Variants in NCOA2 observed in about 807,000 individuals in gnomAD.
NCOA2 encodes the protein nuclear receptor coactivator 2.
In NCOA2, 21 loss-of-function variants were observed where a neutral mutation model predicts 145.1. The observed-to-expected ratio is 0.14, with a 90% confidence interval of 0.10 to 0.21. The LOEUF (loss-of-function observed/expected upper bound fraction) is 0.21. Among genes scored for constraint, NCOA2 ranks in the 10% least tolerant of loss-of-function variants. NCOA2 has a pLI of 1.00. For synonymous variants in NCOA2, 619 were observed against 637.5 expected (o/e 0.97, Z 0.44); for missense variants, 1,472 against 1,837.6 (o/e 0.80, Z 3.64).
chr8:70,122,969 C>G (rs1438330027), intron 21 of NCOA2, among the ~76,000 whole-genome samples: 1 of 152,214 alleles, frequency 6.6e-6, no homozygotes. Flanking sequence ...GTGTGAACTA[C>G]TGAGGATCAG....
At chr8:70,405,261 GGT>G, upstream of NCOA2, among the ~76,000 whole-genome samples, 1 of 151,932 alleles carries the variant, frequency 6.6e-6, no homozygotes, top group East Asian at 1.9e-4. Flanking sequence ...AAATGTGTGG[GGT>G]GTGTGTGTCT....
At chr8:70,235,492 C>T (rs1004957500) in intron 2 of NCOA2, among the ~76,000 whole-genome samples, 14 of 152,000 alleles carry the variant, frequency 9.2e-5, no homozygotes, top group Non-Finnish European at 7.4e-5. Context: ...TCCAAGATAA[C>T]CAGGTACCAC....
chr8:70,124,227 G>C (rs1356246406), intron 20 of NCOA2, 145 bp from the exon 21 acceptor site: 1 of 736,452 alleles, frequency 1.4e-6, no homozygotes, highest in Non-Finnish European at 2.2e-6. Context: ...CCGGCAGGTG[G>C]TGGGCTTGCT....
chr8:70,318,677 A>C (rs1805807257), intron 1 of NCOA2, among the ~76,000 whole-genome samples: 1 of 152,048 alleles, frequency 6.6e-6, no homozygotes, highest in Non-Finnish European at 1.5e-5. Context: ...CTGTGGGAGG[A>C]TCATTTGAGC....
chr8:70,415,852 A>G, the NCOA2 span, among the ~76,000 whole-genome samples: 2 of 152,260 alleles, frequency 1.3e-5, no homozygotes, highest in Non-Finnish European at 2.9e-5. Flanking sequence ...ACCAAATGTA[A>G]CAAAGGCTTT....
At chr8:70,364,946 G>A (rs1272668074) in intron 1 of NCOA2, among the ~76,000 whole-genome samples, 1 of 151,410 alleles carries the variant, frequency 6.6e-6, no homozygotes, top group East Asian at 1.9e-4. Context: ...AGTCTAGGAG[G>A]GTCTTATTAC....
the NCOA2 span, among the ~76,000 whole-genome samples, chr8:70,431,193 T>C: frequency 3.3e-5 from 5 of 151,892 alleles, no homozygotes; most frequent in South Asian, 6.2e-4. Flanking sequence ...TGTGTATATA[T>C]TTTAAATTAA....
At chr8:70,321,899 C>G (rs1363570656) in intron 1 of NCOA2, among the ~76,000 whole-genome samples, 1 of 138,320 alleles carries the variant, frequency 7.2e-6, no homozygotes, top group African/African-American at 2.7e-5. Flanking sequence ...GAGGCCCAGG[C>G]GGGGGGATCA....
intron 1 of NCOA2, among the ~76,000 whole-genome samples, chr8:70,385,941 A>C (rs555333972): frequency 6.6e-6 from 1 of 152,232 alleles, no homozygotes; most frequent in Non-Finnish European, 1.5e-5. Context: ...CAAAACACAC[A>C]TTAGTTACTT....
intron 2 of NCOA2, among the ~76,000 whole-genome samples, chr8:70,262,235 C>T (rs982467098): frequency 6.6e-6 from 1 of 152,042 alleles, no homozygotes; most frequent in Non-Finnish European, 1.5e-5. Context: ...TTATAGTATC[C>T]CCCATTTTAT....
chr8:70,240,468 T>C (rs2134433491), intron 2 of NCOA2, among the ~76,000 whole-genome samples: 1 of 152,168 alleles, frequency 6.6e-6, no homozygotes, highest in East Asian at 1.9e-4. Context: ...TCAGATCTCA[T>C]ACTGTAAAGC....
chr8:70,182,282 G>T (rs551802108), intron 4 of NCOA2, among the ~76,000 whole-genome samples: 3 of 152,182 alleles, frequency 2.0e-5, no homozygotes, highest in African/African-American at 7.2e-5. Flanking sequence ...TTAACATCAT[G>T]ATTTCCCTTC....
At chr8:70,134,879 G>A (rs1297407615) in intron 15 of NCOA2, among the ~76,000 whole-genome samples, 2 of 152,002 alleles carry the variant, frequency 1.3e-5, no homozygotes, top group Non-Finnish European at 2.9e-5. Flanking sequence ...TGGGACTCTC[G>A]GGACACTTTC....
intron 3 of NCOA2, among the ~76,000 whole-genome samples, chr8:70,216,339 AAAATT>A (rs1158572531): frequency 3.9e-5 from 6 of 152,234 alleles, no homozygotes; most frequent in African/African-American, 1.4e-4. Context: ...AACCCATTAT[AAAATT>A]AACGGCAAAT....
the NCOA2 span, among the ~76,000 whole-genome samples, chr8:70,441,946 G>C: frequency 8.0e-6 from 1 of 125,198 alleles, no homozygotes; most frequent in African/African-American, 3.0e-5. Context: ...GAAGAAGAAA[G>C]AAAGAAAGGA....
In NCOA2 at chr8:70,157,259, A is replaced by G; in HGVS notation, c.1125-19T>C. On this transcript the variant is annotated intron_variant, in intron 10 of 22. Coordinates refer to ENST00000452400, the MANE Select transcript of NCOA2 (RefSeq NM_006540.4). ...CTGCTCTCTGTATAACGAGAAAAGAAAAAAATGTAAGATAAAAGGAAAAAT... is the reference window on the plus strand; with the variant it reads ...CTGCTCTCTGTATAACGAGAAAAGAGAAAAATGTAAGATAAAAGGAAAAAT... 2 of 1,498,206 alleles carry G rather than the reference A, an allele frequency of 1.3e-6. No individual in the cohort carries two copies. The highest frequency in any genetic ancestry group is 1.8e-6 in the Non-Finnish European group (2 of 1,122,866). 92.8% of individuals were successfully genotyped at this position (1,498,206 alleles called of 1,614,324 possible).
intron 3 of NCOA2, among the ~76,000 whole-genome samples, chr8:70,214,619 A>G (rs928900849): frequency 5.3e-5 from 8 of 152,214 alleles, no homozygotes; most frequent in Admixed American, 1.3e-4. Flanking sequence ...AAAAGTCACA[A>G]TACAGCTAGA....
intron 2 of NCOA2, among the ~76,000 whole-genome samples, chr8:70,294,893 A>G (rs1265322899): frequency 6.6e-6 from 1 of 152,236 alleles, no homozygotes; most frequent in African/African-American, 2.4e-5. Flanking sequence ...TGTTATTAGT[A>G]TTATCAGTAG....
At chr8:70,329,015 G>A (rs765328841) in intron 1 of NCOA2, among the ~76,000 whole-genome samples, 4 of 152,102 alleles carry the variant, frequency 2.6e-5, no homozygotes, top group Non-Finnish European at 4.4e-5. Flanking sequence ...GAGTGCAGTG[G>A]CATGATCATA....
Sources: allele counts gnomAD v4.1 joint callset (sites outside exome capture counted in the v4.1 genomes callset), GRCh38; gene constraint gnomAD v4.1.1; transcripts MANE v1.5; gene names NCBI Gene and HGNC (gene_info 2026-07-23, HGNC 2026-07-21).